The following PDE4D variants were observed in gnomAD, a reference collection of about 807,000 sequenced individuals.
The protein encoded by PDE4D is phosphodiesterase 4D, also known as 3',5'-cyclic-AMP phosphodiesterase 4D.
Under a neutral mutation model 87.4 loss-of-function variants are expected in PDE4D, and 24 were observed. The ratio of observed to expected loss-of-function variants is 0.27; its 90% CI spans 0.20 to 0.39. The LOEUF (loss-of-function observed/expected upper bound fraction) is 0.39, where lower values mean the gene tolerates loss of function less well. Among genes scored for constraint, PDE4D ranks in the 10% least tolerant of loss-of-function variants. The pLI, the probability that PDE4D is intolerant of heterozygous loss-of-function variation, is 1.00. For synonymous variants in PDE4D, 384 were observed against 383.2 expected, an observed-to-expected ratio of 1.00 and a Z score of -0.02; for missense variants, 714 against 1,041.0, an observed-to-expected ratio of 0.69 and a Z score of 4.32.
At chr5:60,047,530 C>G (rs1769442571) in intron 2 of PDE4D, among the ~76,000 whole-genome samples, 2 of 152,134 alleles carry the variant, frequency 1.3e-5, no homozygotes, top group African/African-American at 4.8e-5. Context: ...CCTCTACACA[C>G]TGCTTTGAAT....
intron 1 of PDE4D, among the ~76,000 whole-genome samples, chr5:60,254,468 T>A (rs899464501): frequency 5.3e-5 from 8 of 151,942 alleles, no homozygotes; most frequent in South Asian, 4.1e-4. Flanking sequence ...CAAGAGCATA[T>A]CTTTTGCCAG....
At chr5:60,322,310 C>A (rs1316071203) in intron 1 of PDE4D, among the ~76,000 whole-genome samples, 1 of 149,918 alleles carries the variant, frequency 6.7e-6, no homozygotes, top group Admixed American at 6.7e-5. Flanking sequence ...AACAGAAAAC[C>A]AAATGCTGCA....
chr5:60,422,592 G>C (rs1430128296), intron 1 of PDE4D, among the ~76,000 whole-genome samples: 1 of 152,112 alleles, frequency 6.6e-6, no homozygotes, highest in East Asian at 1.9e-4. Context: ...GCAAAAACAT[G>C]CCAAATTGTA....
chr5:59,946,060 A>G (rs956504697), intron 3 of PDE4D, among the ~76,000 whole-genome samples: 2 of 152,326 alleles, frequency 1.3e-5, no homozygotes, highest in Admixed American at 1.3e-4. Flanking sequence ...ACAGCTCAAC[A>G]GATCATAATG....
intron 1 of PDE4D, among the ~76,000 whole-genome samples, chr5:59,834,550 T>C (rs998213963): frequency 1.3e-5 from 2 of 151,988 alleles, no homozygotes; most frequent in African/African-American, 4.8e-5. Flanking sequence ...CTGTGTGGAG[T>C]AGAGAGGAAC....
chr5:60,112,876 G>A (rs1464295317), intron 2 of PDE4D, among the ~76,000 whole-genome samples: 2 of 152,048 alleles, frequency 1.3e-5, no homozygotes, highest in African/African-American at 4.8e-5. Context: ...GCCTCATTCT[G>A]TAACGCCATC....
intron 1 of PDE4D, among the ~76,000 whole-genome samples, chr5:60,477,957 G>A (rs1402435003): frequency 6.6e-6 from 1 of 152,160 alleles, no homozygotes; most frequent in East Asian, 1.9e-4. Flanking sequence ...CCAACTGGTA[G>A]ACTCATGAAA....
At chr5:59,707,113 A>G (rs769378036) in intron 1 of PDE4D, among the ~76,000 whole-genome samples, 2 of 152,190 alleles carry the variant, frequency 1.3e-5, no homozygotes, top group African/African-American at 4.8e-5. Flanking sequence ...TACAGTTAGT[A>G]ACATTATTTT....
chr5:59,866,052 A>C (rs755368162), intron 1 of PDE4D, among the ~76,000 whole-genome samples: 6 of 152,250 alleles, frequency 3.9e-5, no homozygotes, highest in Non-Finnish European at 7.3e-5. Flanking sequence ...CTGTGGATTA[A>C]GTATATGAGT....
At chr5:60,460,101 C>A in intron 1 of PDE4D, 1 of 1,605,680 alleles carries the variant, frequency 6.2e-7, no homozygotes, top group Non-Finnish European at 8.5e-7. Flanking sequence ...GGTCAGTAAA[C>A]CAGGTAAAGA....
At chr5:59,244,476 A>G (rs1469855044) in intron 1 of PDE4D, among the ~76,000 whole-genome samples, 3 of 150,940 alleles carry the variant, frequency 2.0e-5, no homozygotes, top group Admixed American at 6.6e-5. Context: ...ATATACATAC[A>G]TTTTAATGGT....
At chr5:60,322,365 C>CAT (rs1363763431) in intron 1 of PDE4D, among the ~76,000 whole-genome samples, 19 of 101,422 alleles carry the variant, frequency 1.9e-4, no homozygotes, top group Non-Finnish European at 2.4e-4. Flanking sequence ...TATGGACACA[C>CAT]ATACACACAC....
chr5:60,048,689 T>C (rs145341789), intron 2 of PDE4D, among the ~76,000 whole-genome samples: 5,926 of 151,992 alleles, frequency 0.039, 389 homozygotes, highest in East Asian at 0.32. Context: ...TGTTGAATAT[T>C]GGCCCCCACT....
At chr5:60,268,120 A>G (rs954566404) in intron 1 of PDE4D, among the ~76,000 whole-genome samples, 1 of 152,222 alleles carries the variant, frequency 6.6e-6, no homozygotes, top group Non-Finnish European at 1.5e-5. Context: ...ATTCTAGAGC[A>G]GACAGATGCC....
intron 1 of PDE4D, among the ~76,000 whole-genome samples, chr5:59,535,482 TTACA>T (rs1280043720): frequency 3.3e-5 from 5 of 152,212 alleles, no homozygotes; most frequent in Non-Finnish European, 5.9e-5. Context: ...AACCAAAGTG[TTACA>T]TATTTACCTC....
Position 58,974,600 on chromosome 5 carries a change from G to A in PDE4D, c.*64C>T. 1.4e-6 allele frequency: 2 copies of A among 1,442,508 alleles called. No individual in the cohort carries two copies. The highest frequency in any genetic ancestry group is 1.9e-6 in the Non-Finnish European group (2 of 1,069,682). The allele number at this position is 1,442,508 out of a possible 1,614,324, so 89.4% of individuals were successfully genotyped here. A position where few individuals can be genotyped will look rare whatever the true frequency, so the allele number is the denominator to read the frequency against. On this transcript the variant is annotated 3_prime_UTR_variant, in exon 15 of 15. Transcript: ENST00000340635. ...AGGTGTGACCGTGGTTGTGGCATGT[G>A]ACATGCACTTTGGAAACAATTTTTC...
At chr5:59,799,870 C>T (rs1766915194) in intron 1 of PDE4D, among the ~76,000 whole-genome samples, 1 of 152,166 alleles carries the variant, frequency 6.6e-6, no homozygotes, top group Non-Finnish European at 1.5e-5. Flanking sequence ...TTCAATTATT[C>T]ACAAGCTGGC....
At chr5:60,319,793 C>T (rs971044568) in intron 1 of PDE4D, among the ~76,000 whole-genome samples, 1 of 152,200 alleles carries the variant, frequency 6.6e-6, no homozygotes, top group Non-Finnish European at 1.5e-5. Context: ...GGCTGCAGAA[C>T]AGTGGATATT....
At chr5:60,510,003 C>T (rs893308173) in intron 1 of PDE4D, among the ~76,000 whole-genome samples, 7 of 152,126 alleles carry the variant, frequency 4.6e-5, no homozygotes, top group African/African-American at 1.7e-4. Flanking sequence ...AGAAACATCA[C>T]AGCTAGTTCC....
Sources: gnomAD v4.1 joint callset for allele counts (sites outside exome capture counted in the v4.1 genomes callset) on GRCh38, gnomAD v4.1.1 for gene constraint, MANE v1.5 for transcripts, NCBI Gene and HGNC (gene_info 2026-07-23, HGNC 2026-07-21) for gene names.